Variants in CELF2 observed in about 807,000 individuals in gnomAD.
The protein encoded by CELF2 is CUG triplet repeat RNA-binding protein 2.
CELF2 carries 8 observed loss-of-function variants against 62.6 expected under a neutral mutation model. The ratio of observed to expected loss-of-function variants is 0.13; its 90% CI spans 0.07 to 0.23. CELF2 has a LOEUF of 0.23. CELF2 is among the 10% of genes least tolerant of loss of function. The probability of loss-of-function intolerance (pLI) is 1.00; values close to 1 mark genes in which losing one functional copy is unlikely to be tolerated. For synonymous variants in CELF2, 258 were observed against 250.0 expected, an observed-to-expected ratio of 1.03 and a Z score of -0.30; for missense variants, 333 against 671.0, an observed-to-expected ratio of 0.50 and a Z score of 5.56.
At chr10:10,860,696 G>T (rs902548439) in intron 1 of CELF2, among the ~76,000 whole-genome samples, 15 of 152,114 alleles carry the variant, frequency 9.9e-5, no homozygotes, top group Non-Finnish European at 5.9e-5. Context: ...AGGTTCACAG[G>T]GCTTCACCCA....
At chr10:11,069,719 A>C (rs1304140616) in intron 1 of CELF2, among the ~76,000 whole-genome samples, 1 of 152,228 alleles carries the variant, frequency 6.6e-6, no homozygotes, top group Non-Finnish European at 1.5e-5. Flanking sequence ...TTGTCACTCT[A>C]ATTGATTGCA....
chr10:10,960,048 T>C (rs772326157), intron 2 of CELF2: 2 of 152,282 alleles, frequency 1.3e-5, no homozygotes, highest in Non-Finnish European at 2.9e-5. Flanking sequence ...CCACTCAAGA[T>C]GGCATTACAC....
At chr10:11,053,904 G>A (rs999784488) in intron 1 of CELF2, among the ~76,000 whole-genome samples, 5 of 152,004 alleles carry the variant, frequency 3.3e-5, no homozygotes, top group African/African-American at 9.7e-5. Flanking sequence ...GTGAGCCACC[G>A]CACCCGGCCT....
At chr10:10,540,966 C>T in the CELF2 span, among the ~76,000 whole-genome samples, 9 of 152,114 alleles carry the variant, frequency 5.9e-5, no homozygotes, top group South Asian at 2.1e-4. Flanking sequence ...GTGTGGATCA[C>T]GAGGTCAGGA....
At chr10:11,106,114 G>A (rs1012214718) in intron 1 of CELF2, among the ~76,000 whole-genome samples, 2 of 152,046 alleles carry the variant, frequency 1.3e-5, no homozygotes, top group African/African-American at 2.4e-5. Flanking sequence ...ATCATTTTTG[G>A]AAGGTATTAC....
intron 4 of CELF2, among the ~76,000 whole-genome samples, chr10:11,252,937 A>C (rs1241733837): frequency 3.3e-5 from 5 of 152,148 alleles, no homozygotes. Flanking sequence ...TGTGGATTTC[A>C]TCCTCCATCA....
chr10:11,130,775 A>C (rs190131217), intron 1 of CELF2, among the ~76,000 whole-genome samples: 7 of 152,356 alleles, frequency 4.6e-5, no homozygotes, highest in Admixed American at 3.3e-4. Context: ...ATAGTCTGTT[A>C]TTAGCCCACT....
the CELF2 span, among the ~76,000 whole-genome samples, chr10:10,650,392 G>A: frequency 1.3e-5 from 2 of 152,076 alleles, no homozygotes; most frequent in African/African-American, 4.8e-5. Context: ...GACTTAAAAT[G>A]TTAAGTTAAA....
At chr10:11,180,446 G>A (rs924349862) in intron 2 of CELF2, among the ~76,000 whole-genome samples, 12 of 152,328 alleles carry the variant, frequency 7.9e-5, no homozygotes, top group East Asian at 1.9e-4. Flanking sequence ...CAGTGAGGTC[G>A]TGGAGGCAGA....
chr10:11,160,547 A>C (rs935937385), intron 1 of CELF2, among the ~76,000 whole-genome samples: 7 of 152,012 alleles, frequency 4.6e-5, no homozygotes, highest in Non-Finnish European at 8.8e-5. Context: ...TGCATTAGCC[A>C]CATGTATCTA....
chr10:11,290,354 A>T lies in CELF2; in HGVS notation c.976+1802A>T, dbSNP rs2092320457. Among the ~76,000 whole-genome samples the T allele has an allele frequency of 6.6e-6, 1 of 152,138 alleles. No individual in the cohort carries two copies. Among genetic ancestry groups the T allele is most frequent in the Admixed American group, 6.5e-5 (1 of 15,278 alleles). On this transcript the variant is annotated intron_variant, in intron 9 of 12. Transcript: ENST00000633077. This position sits in a 1 kb window ranked among gnomAD's most constrained non-coding sequence, Gnocchi z 4.3. ...CGGAAGCCATGGCGCGTGTTGAGGC[A>T]GAGGACAGAGCCAGTGGGTGGGGGA...
chr10:10,605,829 G>A, the CELF2 span, among the ~76,000 whole-genome samples: 9 of 152,184 alleles, frequency 5.9e-5, no homozygotes, highest in African/African-American at 2.2e-4. Context: ...CGTTTAATCA[G>A]TCCAAAAAAC....
At chr10:11,018,489 G>T (rs1193275268) in intron 1 of CELF2, among the ~76,000 whole-genome samples, 1 of 151,162 alleles carries the variant, frequency 6.6e-6, no homozygotes, top group Non-Finnish European at 1.5e-5. Flanking sequence ...AGTGGGGGAC[G>T]GGCGGGGTCC....
intron 1 of CELF2, among the ~76,000 whole-genome samples, chr10:11,146,835 C>T (rs1406566666): frequency 6.6e-6 from 1 of 152,222 alleles, no homozygotes; most frequent in African/African-American, 2.4e-5. Context: ...ATAGTGTTAT[C>T]TTTGCCTGGA....
intron 1 of CELF2, among the ~76,000 whole-genome samples, chr10:11,024,160 T>C (rs1421573391): frequency 6.6e-6 from 1 of 152,200 alleles, no homozygotes; most frequent in Non-Finnish European, 1.5e-5. Flanking sequence ...AATGAAGAAA[T>C]CTATTCTGAA....
At chr10:10,678,796 C>A in the CELF2 span, among the ~76,000 whole-genome samples, 1 of 152,166 alleles carries the variant, frequency 6.6e-6, no homozygotes, top group African/African-American at 2.4e-5. Context: ...TTATAGTTCT[C>A]TGTTAGGATC....
At chr10:11,121,032 T>C (rs1458782887) in intron 1 of CELF2, among the ~76,000 whole-genome samples, 2 of 152,202 alleles carry the variant, frequency 1.3e-5, no homozygotes, top group African/African-American at 2.4e-5. Flanking sequence ...GTTTCCATTA[T>C]TTAGACCCCA....
chr10:10,896,862 C>A (rs1387109536), intron 1 of CELF2, among the ~76,000 whole-genome samples: 1 of 152,166 alleles, frequency 6.6e-6, no homozygotes, highest in African/African-American at 2.4e-5. Flanking sequence ...TCCTGATAAA[C>A]CCATTCTGAA....
intron 2 of CELF2, among the ~76,000 whole-genome samples, chr10:10,994,752 G>C (rs1355381389): frequency 7.2e-6 from 1 of 139,440 alleles, no homozygotes; most frequent in Non-Finnish European, 1.6e-5. Flanking sequence ...CACCCTCCAG[G>C]TGCCAAAAAG....
Sources: allele counts gnomAD v4.1 joint callset (sites outside exome capture counted in the v4.1 genomes callset), GRCh38; gene constraint gnomAD v4.1.1; non-coding constraint Gnocchi (gnomAD v3.1); transcripts MANE v1.5; gene names NCBI Gene and HGNC (gene_info 2026-07-23, HGNC 2026-07-21).